SDK1: variants seen among roughly 807,000 people sequenced by gnomAD.
SDK1 encodes the protein sidekick cell adhesion molecule 1.
Under a neutral mutation model 245.5 loss-of-function variants are expected in SDK1, and 157 were observed. The ratio of observed to expected loss-of-function variants is 0.64; its 90% CI spans 0.56 to 0.73. SDK1 has a LOEUF of 0.73. Ranked by LOEUF, SDK1 falls within the 30% of genes least tolerant of loss-of-function variation. SDK1 has a pLI of 0.00. For synonymous variants in SDK1, 1,647 were observed against 1,278.5 expected, an observed-to-expected ratio of 1.29 and a Z score of -6.15; for missense variants, 3,583 against 3,002.3, an observed-to-expected ratio of 1.19 and a Z score of -4.52.
At chr7:4,053,451 T>C (rs1779010919) in intron 19 of SDK1, among the ~76,000 whole-genome samples, 1 of 152,170 alleles carries the variant, frequency 6.6e-6, no homozygotes, top group African/African-American at 2.4e-5. Flanking sequence ...TTCATGGCGC[T>C]ATTACTTCTT....
chr7:3,696,555 C>G (rs1034516524), intron 4 of SDK1, among the ~76,000 whole-genome samples: 2 of 131,622 alleles, frequency 1.5e-5, no homozygotes, highest in Non-Finnish European at 3.2e-5. Flanking sequence ...TCTCACAGAG[C>G]TTACATTTCT....
intron 25 of SDK1, among the ~76,000 whole-genome samples, chr7:4,116,486 C>T (rs564411074): frequency 1.3e-5 from 2 of 152,202 alleles, no homozygotes; most frequent in Admixed American, 1.3e-4. Context: ...AAAGGCTCCT[C>T]TCATCCTTTC....
chr7:3,582,320 C>G (rs540322727), intron 1 of SDK1, among the ~76,000 whole-genome samples: 1 of 148,530 alleles, frequency 6.7e-6, no homozygotes, highest in East Asian at 2.0e-4. Context: ...GTAGGTCTGT[C>G]TCAGGTAGGT....
chr7:3,786,678 C>A (rs939806969), intron 4 of SDK1, among the ~76,000 whole-genome samples: 1 of 152,112 alleles, frequency 6.6e-6, no homozygotes, highest in Non-Finnish European at 1.5e-5. Flanking sequence ...ACAGTGAGTA[C>A]GTTCTCTGGT....
chr7:3,868,800 T>C (rs1780885502), intron 5 of SDK1, among the ~76,000 whole-genome samples: 1 of 152,182 alleles, frequency 6.6e-6, no homozygotes, highest in African/African-American at 2.4e-5. Context: ...GTTCATGGGC[T>C]GCTGTTTATA....
At chr7:3,374,407 G>A (rs1055846395) in intron 1 of SDK1, among the ~76,000 whole-genome samples, 3 of 152,058 alleles carry the variant, frequency 2.0e-5, no homozygotes, top group African/African-American at 4.8e-5. Flanking sequence ...CACATAAATC[G>A]TGTACTTGTC....
At chr7:3,637,980 C>G (rs1278384330) in intron 2 of SDK1, among the ~76,000 whole-genome samples, 1 of 152,194 alleles carries the variant, frequency 6.6e-6, no homozygotes, top group Non-Finnish European at 1.5e-5. Context: ...AAGACTGTTG[C>G]CAGTTCTAGG....
intron 1 of SDK1, among the ~76,000 whole-genome samples, chr7:3,473,911 G>A (rs2128599436): frequency 6.6e-6 from 1 of 151,986 alleles, no homozygotes; most frequent in East Asian, 1.9e-4. Flanking sequence ...GAAGGGTAGT[G>A]GAAGGAATGT....
At chr7:4,225,710 C>G (rs1303186475) in intron 40 of SDK1, among the ~76,000 whole-genome samples, 3 of 152,144 alleles carry the variant, frequency 2.0e-5, no homozygotes. Flanking sequence ...AGTGGCTTGC[C>G]TAACATGGAG....
chr7:4,081,618 C>T (rs1781065031), intron 22 of SDK1, among the ~76,000 whole-genome samples: 2 of 152,014 alleles, frequency 1.3e-5, no homozygotes, highest in African/African-American at 4.8e-5. Context: ...CGGGGTTTCA[C>T]CATGTTAGCC....
At chr7:3,729,162 A>G (rs1328025432) in intron 4 of SDK1, among the ~76,000 whole-genome samples, 2 of 152,200 alleles carry the variant, frequency 1.3e-5, no homozygotes, top group East Asian at 1.9e-4. Context: ...ATATTAATAA[A>G]GTTTGGATGT....
At chr7:3,983,398 G>T (rs1489767094) in intron 13 of SDK1, among the ~76,000 whole-genome samples, 1 of 152,134 alleles carries the variant, frequency 6.6e-6, no homozygotes, top group Non-Finnish European at 1.5e-5. Context: ...ACTCCGATCA[G>T]TCCACAGCCA....
chr7:4,240,011 A>C (rs1286423295), intron 42 of SDK1, among the ~76,000 whole-genome samples: 1 of 152,234 alleles, frequency 6.6e-6, no homozygotes, highest in Non-Finnish European at 1.5e-5. Context: ...ATGTTAAGCA[A>C]TTCATCCTTC....
At chr7:3,936,550 A>G (rs931371594) in intron 5 of SDK1, among the ~76,000 whole-genome samples, 1 of 150,584 alleles carries the variant, frequency 6.6e-6, no homozygotes, top group Non-Finnish European at 1.5e-5. Flanking sequence ...ACGCCACAGC[A>G]CTCCAGCCTG....
intron 5 of SDK1, among the ~76,000 whole-genome samples, chr7:3,866,430 G>T (rs957960525): frequency 6.6e-6 from 1 of 152,172 alleles, no homozygotes; most frequent in Non-Finnish European, 1.5e-5. Flanking sequence ...ATGAAAGGGG[G>T]CCAAGTGATT....
chr7:3,815,565 C>G (rs2115052847), intron 4 of SDK1, among the ~76,000 whole-genome samples: 1 of 148,258 alleles, frequency 6.7e-6, no homozygotes, highest in African/African-American at 2.5e-5. Context: ...GGATATTGGT[C>G]TAAAATTCTC....
At chr7:4,021,246 T>A (rs1037221718) in intron 17 of SDK1, among the ~76,000 whole-genome samples, 3 of 152,134 alleles carry the variant, frequency 2.0e-5, no homozygotes, top group Non-Finnish European at 4.4e-5. Context: ...GAAATCAGCC[T>A]CACTCATGCA....
At chr7:4,098,362 C>T (rs1277818003) in intron 22 of SDK1, among the ~76,000 whole-genome samples, 3 of 152,144 alleles carry the variant, frequency 2.0e-5, no homozygotes, top group African/African-American at 7.2e-5. Flanking sequence ...ACTCATATTT[C>T]CCCGTTCTTT....
chr7:3,663,287 A>G (rs980886519), intron 4 of SDK1, among the ~76,000 whole-genome samples: 2 of 152,200 alleles, frequency 1.3e-5, no homozygotes, highest in Non-Finnish European at 2.9e-5. Context: ...ATGAACATCC[A>G]TGTTTTTGTT....
Sources: gnomAD v4.1 joint callset for allele counts (sites outside exome capture counted in the v4.1 genomes callset) on GRCh38, gnomAD v4.1.1 for gene constraint, MANE v1.5 for transcripts, NCBI Gene and HGNC (gene_info 2026-07-23, HGNC 2026-07-21) for gene names.